The following SEMA3A variants were observed in gnomAD, a reference collection of about 807,000 sequenced individuals.
SEMA3A encodes semaphorin 3A, also known as semaphorin-3A.
Under a neutral mutation model 97.9 loss-of-function variants are expected in SEMA3A, and 29 were observed. The ratio of observed to expected loss-of-function variants is 0.30; its 90% CI spans 0.22 to 0.40. The LOEUF (loss-of-function observed/expected upper bound fraction) is 0.40. Among genes scored for constraint, SEMA3A ranks in the 10% least tolerant of loss-of-function variants. The pLI is 1.00. For synonymous variants in SEMA3A, 321 were observed against 323.7 expected (o/e 0.99, Z 0.09); for missense variants, 763 against 951.3 (o/e 0.80, Z 2.60).
At chr7:84,221,940 T>TAA (rs892810591) in intron 3 of SEMA3A, among the ~76,000 whole-genome samples, 1 of 150,878 alleles carries the variant, frequency 6.6e-6, no homozygotes, top group East Asian at 1.9e-4. Context: ...CTTCAATTTG[T>TAA]AAAAAAAAAC....
chr7:84,477,435 T>C (rs1203978300), intron 1 of SEMA3A, among the ~76,000 whole-genome samples: 1 of 100,378 alleles, frequency 1.0e-5, no homozygotes, highest in Non-Finnish European at 1.8e-5. Context: ...CGAGACTCTG[T>C]CTCAAAAAAA....
intron 3 of SEMA3A, among the ~76,000 whole-genome samples, chr7:84,218,745 C>G (rs570495225): frequency 1.1e-4 from 16 of 152,098 alleles, no homozygotes; most frequent in Non-Finnish European, 1.9e-4. Context: ...ACCTTATCTT[C>G]CTATAGCTTG....
At position 84,125,516 on chromosome 7, in the gene SEMA3A, G is replaced by A. The variant is rs1050569038; in HGVS notation, c.333+3607C>T. On this transcript the variant is annotated intron_variant, in intron 3 of 16. Coordinates refer to ENST00000265362, the MANE Select transcript of SEMA3A (RefSeq NM_006080.3). ...CTAAAAATACACAAATTAGCCGGAT[G>A]TGATGGTGGACACCTGTAATCCCAG... Among the ~76,000 whole-genome samples the A allele has an allele frequency of 5.9e-5, 9 of 152,328 alleles. No individual in the cohort carries two copies. The South Asian group carries it at 1.2e-3, about 21-fold the overall frequency.
At chr7:84,377,038 G>C (rs750182013) in intron 1 of SEMA3A, among the ~76,000 whole-genome samples, 2 of 152,096 alleles carry the variant, frequency 1.3e-5, no homozygotes, top group Non-Finnish European at 2.9e-5. Context: ...TCTTACATGA[G>C]TATTTCTGCT....
At chr7:84,150,592 C>T (rs181566312) in intron 1 of SEMA3A, among the ~76,000 whole-genome samples, 8 of 152,244 alleles carry the variant, frequency 5.3e-5, no homozygotes, top group African/African-American at 9.6e-5. Context: ...AGGGTCCTAC[C>T]CTATGGAGTC....
rs557379512 is a variant in SEMA3A at position 84,415,846 on chromosome 7, T to A, written c.-245-43946A>T. The stretch of plus-strand genomic sequence containing the variant: ...AGTGACAGCGTTTTTGTATTTTTTT[T>A]ATAGCAATTTTCAAATATCATAATT... On this transcript the variant is annotated intron_variant, in intron 1 of 3. Transcript: ENST00000424555. Among the ~76,000 whole-genome samples, 8 of 151,330 alleles carry A rather than the reference T, an allele frequency of 5.3e-5. No individual in the cohort carries two copies. The South Asian group carries it at 6.2e-4, about 12-fold the overall frequency.
intron 2 of SEMA3A, among the ~76,000 whole-genome samples, chr7:84,346,805 C>T (rs1348679095): frequency 2.6e-5 from 4 of 152,084 alleles, no homozygotes; most frequent in Non-Finnish European, 5.9e-5. Context: ...GAAGTGAGAA[C>T]ATGGTGTTGG....
At chr7:84,311,129 A>C (rs996663218) in intron 2 of SEMA3A, among the ~76,000 whole-genome samples, 5 of 151,888 alleles carry the variant, frequency 3.3e-5, no homozygotes, top group Non-Finnish European at 7.4e-5. Context: ...ATATTTTATT[A>C]ATAATCTGAA....
intron 1 of SEMA3A, among the ~76,000 whole-genome samples, chr7:84,389,498 T>G (rs1454641884): frequency 6.6e-6 from 1 of 152,092 alleles, no homozygotes; most frequent in African/African-American, 2.4e-5. Flanking sequence ...TACACCTGGT[T>G]TCTGAGTAGT....
intron 1 of SEMA3A, among the ~76,000 whole-genome samples, chr7:84,391,822 C>A (rs535687583): frequency 6.6e-6 from 1 of 151,644 alleles, no homozygotes; most frequent in Non-Finnish European, 1.5e-5. Context: ...AAAATACAAA[C>A]GTTAGCTGGG....
chr7:83,993,849 C>T (rs987100715), intron 12 of SEMA3A, among the ~76,000 whole-genome samples: 1 of 134,172 alleles, frequency 7.5e-6, no homozygotes, highest in Non-Finnish European at 1.6e-5. Flanking sequence ...TTTCCTGAAT[C>T]TGAACGTTGG....
intron 4 of SEMA3A, among the ~76,000 whole-genome samples, chr7:84,087,348 A>G (rs1299029157): frequency 1.3e-5 from 2 of 152,194 alleles, no homozygotes; most frequent in East Asian, 3.8e-4. Context: ...CAGGAATTAC[A>G]CAAAATAACT....
intron 3 of SEMA3A, among the ~76,000 whole-genome samples, chr7:84,297,127 G>A (rs1485408993): frequency 2.6e-5 from 4 of 151,962 alleles, no homozygotes; most frequent in Admixed American, 2.0e-4. Context: ...ACAGGCATGC[G>A]CCACCATGCC....
At chr7:84,477,782 G>C in intron 1 of SEMA3A, among the ~76,000 whole-genome samples, 1 of 152,190 alleles carries the variant, frequency 6.6e-6, no homozygotes, top group East Asian at 1.9e-4. Context: ...ATGAATGACT[G>C]CATGGTAAAA....
In SEMA3A at chr7:83,995,366, A is replaced by C. The variant is rs866288876; in HGVS notation, c.1452+6589T>G. On this transcript the variant is annotated intron_variant, in intron 12 of 16. Coordinates refer to ENST00000265362, the MANE Select transcript of SEMA3A (RefSeq NM_006080.3). Reference sequence around the variant, plus strand: ...CCCAATAAAAATTATTTCATATATGAATGGTGAAACATAAAAGAAACCCTA... The same window carrying C: ...CCCAATAAAAATTATTTCATATATGCATGGTGAAACATAAAAGAAACCCTA... 3.5e-4 allele frequency among the ~76,000 whole-genome samples: 54 copies of C among 152,320 alleles called. 1 individual carries two copies. Among genetic ancestry groups the C allele is most frequent in the African/African-American group, 1.3e-3 (53 of 41,582 alleles).
At chr7:84,131,452 C>T (rs1163227901) in intron 2 of SEMA3A, among the ~76,000 whole-genome samples, 1 of 152,068 alleles carries the variant, frequency 6.6e-6, no homozygotes, top group African/African-American at 2.4e-5. Context: ...CATGGCAGGC[C>T]CACTTACACA....
intron 3 of SEMA3A, among the ~76,000 whole-genome samples, chr7:84,214,217 C>T (rs1436376876): frequency 6.6e-6 from 1 of 152,110 alleles, no homozygotes; most frequent in Non-Finnish European, 1.5e-5. Flanking sequence ...TTACCAATGA[C>T]CAAACTAAGC....
intron 5 of SEMA3A, among the ~76,000 whole-genome samples, chr7:84,052,906 T>G (rs562611783): frequency 6.6e-6 from 1 of 151,962 alleles, no homozygotes; most frequent in Non-Finnish European, 1.5e-5. Context: ...GATTCTGGTA[T>G]GTTGTGTCTT....
At chr7:84,402,025 C>G (rs557393494) in intron 1 of SEMA3A, among the ~76,000 whole-genome samples, 1 of 152,082 alleles carries the variant, frequency 6.6e-6, no homozygotes. Context: ...AAAGCTTCTA[C>G]ACAGCAAAGG....
Sources: allele counts gnomAD v4.1 joint callset (sites outside exome capture counted in the v4.1 genomes callset), GRCh38; gene constraint gnomAD v4.1.1; transcripts MANE v1.5; gene names NCBI Gene and HGNC (gene_info 2026-07-23, HGNC 2026-07-21).